The following MAP7D1 variants were observed in gnomAD, a reference collection of about 807,000 sequenced individuals.
The protein encoded by MAP7D1 is MAP7 domain-containing protein 1.
In MAP7D1, 30 loss-of-function variants were observed where a neutral mutation model predicts 97.5. The observed-to-expected ratio is 0.31, with a 90% CI of 0.23 to 0.42. MAP7D1 has a LOEUF of 0.42. Among genes scored for constraint, MAP7D1 ranks in the 10% least tolerant of loss-of-function variants. MAP7D1 has a pLI of 1.00. For synonymous variants in MAP7D1, 536 were observed against 477.1 expected, an observed-to-expected ratio of 1.12 and a Z score of -1.61; for missense variants, 1,184 against 1,179.5, an observed-to-expected ratio of 1.00 and a Z score of -0.06.
At chr1:36,167,576 G>A (rs1006024976) in intron 1 of MAP7D1, among the ~76,000 whole-genome samples, 6 of 152,164 alleles carry the variant, frequency 3.9e-5, no homozygotes, top group Non-Finnish European at 5.9e-5. Context: ...TGATGTACCC[G>A]TCTGTACCAA....
intron 5 of MAP7D1, 144 bp from the exon 6 acceptor site, chr1:36,174,754 A>C (rs1644594465): frequency 1.5e-5 from 1 of 67,484 alleles, no homozygotes; most frequent in Non-Finnish European, 2.8e-5. Context: ...TCCCAGGGCC[A>C]AGGCTGCCTC....
rs2124245911 is a variant in MAP7D1 at position 36,176,976 on chromosome 1, GAT to G, written c.1379+135_1379+136del. ...ATTCTCTCTGTTTTGTTTGAGACAG[GAT>G]CTCCCTCTGTCACCCAGGCTGGAGT... On this transcript the variant is annotated intron_variant, in intron 8 of 16. Transcript: ENST00000474796. This position sits in a 1 kb window ranked among gnomAD's most constrained non-coding sequence, Gnocchi z 6.1. 1 of 809,166 alleles carries G rather than the reference GAT, an allele frequency of 1.2e-6. No individual in the cohort carries two copies. Among genetic ancestry groups the G allele is most frequent in the East Asian group, 2.7e-5 (1 of 36,610 alleles). 50.1% of individuals were successfully genotyped at this position (809,166 alleles called of 1,614,324 possible).
intron 1 of MAP7D1, among the ~76,000 whole-genome samples, chr1:36,160,690 TATC>T (rs1376674218): frequency 2.6e-5 from 4 of 152,246 alleles, no homozygotes; most frequent in Non-Finnish European, 5.9e-5. Flanking sequence ...TAAGCTGAAT[TATC>T]ATGGCTAAGC....
chr1:36,176,652 G>C lies in MAP7D1; in HGVS notation c.1234-45G>C. The C allele has an allele frequency of 6.3e-7, 1 of 1,591,906 alleles. No homozygotes were observed. The highest frequency in any genetic ancestry group is 8.6e-7 in the Non-Finnish European group (1 of 1,166,190). ...CAGCCTGGAACTGGGGTACGCGGGCGCTGCTGACCTCTACTCTCCTCTTCC... is the reference window on the plus strand; with the variant it reads ...CAGCCTGGAACTGGGGTACGCGGGCCCTGCTGACCTCTACTCTCCTCTTCC... On this transcript the variant is annotated intron_variant, in intron 7 of 16. Transcript: ENST00000474796. This position sits in a 1 kb window ranked among gnomAD's most constrained non-coding sequence, Gnocchi z 6.1.
At chr1:36,177,320 C>A in intron 8 of MAP7D1, 1 of 292,980 alleles carries the variant, frequency 3.4e-6, no homozygotes, top group South Asian at 3.0e-5. Context: ...TGAAGTACCC[C>A]AACACCTAAA....
rs1300154611 is a variant in MAP7D1, at chr1:36,172,601, C to G, written c.598C>G (p.Gln200Glu). Residue 200 changes from glutamine (Q) to glutamate (E), a missense_variant, in exon 4 of 17, where the codon CAG becomes GAG. Gln to Glu is a conservative substitution (Grantham distance 29). Coordinates refer to ENST00000474796, the MANE Select transcript of MAP7D1 (RefSeq NM_001388490.1). Reference protein sequence around the residue: ...EQRRAALEERQRQKLEKNKER... With the variant: ...EQRRAALEERERQKLEKNKER... ...ACGCCGTGCAGCCCTGGAGGAACGGCAGCGGCAGAAGCTCGAGAAAAACAA... is the reference window on the plus strand; with the variant it reads ...ACGCCGTGCAGCCCTGGAGGAACGGGAGCGGCAGAAGCTCGAGAAAAACAA... 1.3e-6 allele frequency: 2 copies of G among 1,573,100 alleles called. No individual in the cohort carries two copies. Among genetic ancestry groups the G allele is most frequent in the Non-Finnish European group, 1.7e-6 (2 of 1,149,200 alleles).
In MAP7D1 at chr1:36,179,954, C is replaced by G; in HGVS notation, c.2399C>G (p.Thr800Ser). The change falls in exon 16 of 17, where the codon ACC becomes AGC. Residue 800 changes from threonine to serine, a missense_variant. Coordinates refer to ENST00000474796, the MANE Select transcript of MAP7D1 (RefSeq NM_001388490.1). ...GCACACCAGGAGAATGGCTTCTCCA[C>G]CAACGGACCCTCTGGGGACAAGAGT... ...LPAHQENGFS[T>S]NGPSGDKSLS... 1 of 1,614,198 alleles carries G rather than the reference C, an allele frequency of 6.2e-7. No homozygotes were observed. The highest frequency in any genetic ancestry group is 8.5e-7 in the Non-Finnish European group (1 of 1,180,016).
chr1:36,173,364 G>A lies in MAP7D1; in HGVS notation c.625G>A (p.Glu209Lys). 6 of 1,611,772 alleles carry A rather than the reference G, an allele frequency of 3.7e-6. No homozygotes were observed. Among genetic ancestry groups the A allele is most frequent in the Non-Finnish European group, 5.1e-6 (6 of 1,178,676 alleles). ...CTCTCTTCTCCCCACCTTCCCCCAGGAGCGCTATGAAGCAGCCATCCAACG... is the reference window on the plus strand; with the variant it reads ...CTCTCTTCTCCCCACCTTCCCCCAGAAGCGCTATGAAGCAGCCATCCAACG... ...RQRQKLEKNK[E>K]RYEAAIQRSV... The change falls in exon 5 of 17, where the codon GAG (glutamate) becomes AAG (lysine). Residue 209 changes from glutamate (E) to lysine (K), a missense_variant and splice_region_variant. Physicochemically the swap from Glu to Lys is moderately conservative, Grantham distance 56. Coordinates refer to ENST00000474796, the MANE Select transcript of MAP7D1 (RefSeq NM_001388490.1).
At chr1:36,164,785 A>G (rs1259512436) in intron 1 of MAP7D1, among the ~76,000 whole-genome samples, 1 of 152,214 alleles carries the variant, frequency 6.6e-6, no homozygotes, top group Non-Finnish European at 1.5e-5. Context: ...CTGGCTGCTC[A>G]GTGGAGCAGA....
At chr1:36,172,800 A>G (rs141263122) in intron 4 of MAP7D1, among the ~76,000 whole-genome samples, 173 bp downstream of exon 4, 2 of 152,306 alleles carry the variant, frequency 1.3e-5, no homozygotes, top group African/African-American at 4.8e-5. Context: ...GCACCTGTAC[A>G]ACTGCAGGCA....
At position 36,176,588 on chromosome 1, in the gene MAP7D1, G is replaced by A. The variant is rs1644627601; in HGVS notation, c.1233+7G>A. ...CCGGCCGGAGGCCTCGCCGGTGAGT[G>A]GCTCTACTGGCTCGAGTGGCCGCGC... On this transcript the variant is annotated splice_region_variant and intron_variant, in intron 7 of 16. Transcript: ENST00000474796. The surrounding 1 kb of genome is among the most constrained non-coding windows in gnomAD (Gnocchi z 6.1). 6.6e-7 allele frequency: 1 copy of A among 1,514,468 alleles called. No individual in the cohort carries two copies. The highest frequency in any genetic ancestry group is 2.4e-5 in the East Asian group (1 of 41,720). The allele number at this position is 1,514,468 out of a possible 1,614,324, so 93.8% of individuals were successfully genotyped here.
intron 1 of MAP7D1, among the ~76,000 whole-genome samples, chr1:36,160,814 G>A (rs1644398921): frequency 6.6e-6 from 1 of 152,260 alleles, no homozygotes; most frequent in Non-Finnish European, 1.5e-5. Context: ...AGCCCCAGCA[G>A]AGCCCAGGGT....
Position 36,173,489 on chromosome 1 carries a change from T to A in MAP7D1, c.739+11T>A. On this transcript the variant is annotated intron_variant, in intron 5 of 16. Transcript: ENST00000474796. Reference sequence around the variant, plus strand: ...CAGGACATAAGACCAGTGAGTAGGCTGGAGGGGCTGGGGAGTGGGTGGGCA... The same window carrying A: ...CAGGACATAAGACCAGTGAGTAGGCAGGAGGGGCTGGGGAGTGGGTGGGCA... The A allele has an allele frequency of 1.3e-6, 2 of 1,540,004 alleles. No individual in the cohort carries two copies. Among genetic ancestry groups the A allele is most frequent in the Non-Finnish European group, 1.8e-6 (2 of 1,123,282 alleles).
intron 1 of MAP7D1, among the ~76,000 whole-genome samples, chr1:36,156,713 G>C (rs1028058493): frequency 2.6e-5 from 4 of 152,092 alleles, no homozygotes; most frequent in Non-Finnish European, 4.4e-5. Flanking sequence ...CCGCGCGGGA[G>C]TTGTTGGGGT....
chr1:36,156,348 C>G lies in MAP7D1; in HGVS notation c.-70C>G, dbSNP rs1338939713. The G allele has an allele frequency of 1.5e-6, 2 of 1,358,890 alleles. No individual in the cohort carries two copies. Among genetic ancestry groups the G allele is most frequent in the Non-Finnish European group, 2.0e-6 (2 of 1,020,634 alleles). 84.2% of individuals were successfully genotyped at this position (1,358,890 alleles called of 1,614,324 possible). On this transcript the variant is annotated 5_prime_UTR_variant, in exon 1 of 17. Coordinates refer to ENST00000474796, the MANE Select transcript of MAP7D1 (RefSeq NM_001388490.1). ...GGCCGGGCGTGATGCGCCGCGGGAC[C>G]CCTGTCCTGGCCACTGGCCGCCGCC...
chr1:36,167,383 G>A (rs981688207), intron 1 of MAP7D1, among the ~76,000 whole-genome samples: 1 of 152,188 alleles, frequency 6.6e-6, no homozygotes. Context: ...GGAAGATGAG[G>A]GATGGAAAAC....
chr1:36,170,631 A>G (rs1028146159), intron 1 of MAP7D1, among the ~76,000 whole-genome samples: 1 of 152,150 alleles, frequency 6.6e-6, no homozygotes, highest in African/African-American at 2.4e-5. Context: ...ACTCCAGCTT[A>G]TCCTTCGGAT....
At position 36,179,031 on chromosome 1, in the gene MAP7D1, C is replaced by T. The variant is rs1417122486; in HGVS notation, c.2130+6C>T. The T allele has an allele frequency of 6.8e-6, 8 of 1,176,864 alleles. No individual in the cohort carries two copies. The highest frequency in any genetic ancestry group is 9.2e-6 in the Non-Finnish European group (8 of 869,212). 72.9% of individuals were successfully genotyped at this position (1,176,864 alleles called of 1,614,324 possible). On this transcript the variant is annotated splice_donor_region_variant and intron_variant, in intron 12 of 16. Transcript: ENST00000474796. ...AGCGGCAAGAGCGCAGAAAGGTGTG[C>T]GGACCTGGGCGGGGATTTGTGGGCG...
At chr1:36,157,822 G>A (rs1644358403) in intron 1 of MAP7D1, among the ~76,000 whole-genome samples, 1 of 152,216 alleles carries the variant, frequency 6.6e-6, no homozygotes, top group African/African-American at 2.4e-5. Context: ...GGACCTGGGA[G>A]AACAGGGAGG....
Sources: gnomAD v4.1 joint callset for allele counts (sites outside exome capture counted in the v4.1 genomes callset) on GRCh38, gnomAD v4.1.1 for gene constraint, Gnocchi (gnomAD v3.1) non-coding constraint, MANE v1.5 for transcripts, NCBI Gene and HGNC (gene_info 2026-07-23, HGNC 2026-07-21) for gene names.